SUSD4: variants seen among roughly 807,000 people sequenced by gnomAD.
SUSD4 encodes the protein sushi domain-containing protein 4.
A neutral mutation model predicts 50.5 loss-of-function variants in SUSD4; 41 were observed. That is an observed-to-expected ratio of 0.81 (90% CI 0.63 to 1.05). The LOEUF is 1.05. Ranked by LOEUF, SUSD4 falls within the 50% of genes least tolerant of loss-of-function variation. The probability of loss-of-function intolerance (pLI) is 0.00; values close to 1 mark genes in which losing one functional copy is unlikely to be tolerated. For missense variants in SUSD4, 580 were observed against 634.7 expected, an observed-to-expected ratio of 0.91 and a Z score of 0.93; for synonymous variants, 257 against 257.3, an observed-to-expected ratio of 1.00 and a Z score of 0.01.
intron 5 of SUSD4, among the ~76,000 whole-genome samples, chr1:223,243,821 G>A (rs758261699): frequency 7.9e-5 from 12 of 152,178 alleles, no homozygotes; most frequent in African/African-American, 2.7e-4. Flanking sequence ...CCTGCTTTGC[G>A]TTATCAGCAC....
intron 2 of SUSD4, among the ~76,000 whole-genome samples, chr1:223,314,276 T>C (rs1474821116): frequency 6.6e-6 from 1 of 152,126 alleles, no homozygotes; most frequent in Non-Finnish European, 1.5e-5. Context: ...CATGGAGTAA[T>C]GAGGACTGAA....
intron 2 of SUSD4, among the ~76,000 whole-genome samples, chr1:223,342,708 A>G (rs550047179): frequency 2.0e-5 from 3 of 152,366 alleles, no homozygotes; most frequent in Admixed American, 2.0e-4. Context: ...ATCTGGATAA[A>G]AATTAACAAT....
intron 2 of SUSD4, among the ~76,000 whole-genome samples, chr1:223,340,592 T>G (rs1241598676): frequency 6.6e-6 from 1 of 152,212 alleles, no homozygotes; most frequent in Non-Finnish European, 1.5e-5. Context: ...AAAAGCAGCT[T>G]CTGTCCGCAG....
chr1:223,249,879 G>C (rs746069171), intron 5 of SUSD4, among the ~76,000 whole-genome samples: 18 of 152,224 alleles, frequency 1.2e-4, no homozygotes, highest in Admixed American at 2.0e-4. Flanking sequence ...TGAAAAGAGA[G>C]GAAGAAAGGG....
chr1:223,258,613 T>G (rs1490515072), intron 5 of SUSD4, among the ~76,000 whole-genome samples: 2 of 152,116 alleles, frequency 1.3e-5, no homozygotes, highest in Non-Finnish European at 2.9e-5. Flanking sequence ...GGGGTCGGGT[T>G]TACTGGTTCC....
intron 5 of SUSD4, among the ~76,000 whole-genome samples, chr1:223,257,343 A>G (rs957908695): frequency 5.9e-5 from 9 of 152,180 alleles, no homozygotes; most frequent in African/African-American, 2.2e-4. Flanking sequence ...GTCTCTACAA[A>G]AACATTTTTA....
chr1:223,365,191 G>A (rs1237599981), upstream of SUSD4, among the ~76,000 whole-genome samples: 1 of 152,120 alleles, frequency 6.6e-6, no homozygotes, highest in Non-Finnish European at 1.5e-5. Context: ...GAGTTGGCCT[G>A]GTCGGTCCCC....
chr1:223,283,499 A>T (rs1230791709), intron 3 of SUSD4, among the ~76,000 whole-genome samples: 1 of 152,250 alleles, frequency 6.6e-6, no homozygotes, highest in Non-Finnish European at 1.5e-5. Flanking sequence ...ATCACTGGCC[A>T]TCAGAGAAAT....
chr1:223,295,574 G>A (rs952909428), intron 2 of SUSD4, among the ~76,000 whole-genome samples: 2 of 152,126 alleles, frequency 1.3e-5, no homozygotes, highest in Non-Finnish European at 1.5e-5. Flanking sequence ...GGGTGCTGTG[G>A]GTGCAGGTCG....
chr1:223,318,324 G>T (rs554191968), intron 2 of SUSD4, among the ~76,000 whole-genome samples: 21 of 14,266 alleles, frequency 1.5e-3, no homozygotes, highest in African/African-American at 6.5e-3. Flanking sequence ...ACATACGTGT[G>T]CATGTGTCTT....
chr1:223,284,595 T>C (rs1413604641), intron 3 of SUSD4, among the ~76,000 whole-genome samples: 2 of 152,168 alleles, frequency 1.3e-5, no homozygotes, highest in African/African-American at 4.8e-5. Context: ...AGCCAAGATA[T>C]GGAATCAACC....
At position 223,257,031 on chromosome 1, in the gene SUSD4, G is replaced by C. The variant is rs1190789904; in HGVS notation, c.724+7599C>G. On this transcript the variant is annotated intron_variant, in intron 5 of 8. Coordinates refer to ENST00000366878, the MANE Select transcript of SUSD4 (RefSeq NM_017982.4). ...CTACCTGCACGGTGCTTGGCATAGA[G>C]TAGGCATCCAAAAATGTCAAATGAA... is the stretch of plus-strand genomic sequence containing the variant. 3.9e-5 allele frequency among the ~76,000 whole-genome samples: 6 copies of C among 152,296 alleles called. No homozygotes were observed. In the East Asian group the frequency reaches 1.2e-3, roughly 29 times the overall value.
chr1:223,268,040 TATACAC>T (rs1200416185), intron 4 of SUSD4, among the ~76,000 whole-genome samples: 19 of 81,274 alleles, frequency 2.3e-4, no homozygotes, highest in Middle Eastern at 6.4e-3. Context: ...TATATATATA[TATACAC>T]ACACACTGTT....
chr1:223,280,679 G>A (rs867918198), intron 3 of SUSD4, among the ~76,000 whole-genome samples: 8 of 151,814 alleles, frequency 5.3e-5, no homozygotes, highest in African/African-American at 1.5e-4. Flanking sequence ...ACAGACCAAC[G>A]AGACAGAAAG....
At chr1:223,239,460 GT>G (rs1412152922) in intron 5 of SUSD4, among the ~76,000 whole-genome samples, 1 of 151,796 alleles carries the variant, frequency 6.6e-6, no homozygotes, top group Non-Finnish European at 1.5e-5. Context: ...TTTCTTTTTG[GT>G]TTTAATTGAG....
chr1:223,266,457 T>C (rs1052649633), intron 4 of SUSD4, among the ~76,000 whole-genome samples: 1 of 152,152 alleles, frequency 6.6e-6, no homozygotes, highest in African/African-American at 2.4e-5. Context: ...GCACAAATGA[T>C]TGTGCTCGCT....
chr1:223,260,212 T>C (rs1310667377), intron 5 of SUSD4, among the ~76,000 whole-genome samples: 4 of 152,196 alleles, frequency 2.6e-5, no homozygotes, highest in Non-Finnish European at 4.4e-5. Context: ...CTCTAGGAAA[T>C]GGACTTTGCC....
At chr1:223,352,836 T>C (rs1558276752) in intron 2 of SUSD4, among the ~76,000 whole-genome samples, 1 of 152,002 alleles carries the variant, frequency 6.6e-6, no homozygotes, top group Non-Finnish European at 1.5e-5. Flanking sequence ...CCTGAGCCCA[T>C]GGGGGCGAAC....
intron 5 of SUSD4, among the ~76,000 whole-genome samples, chr1:223,246,342 T>C (rs1291923756): frequency 6.6e-6 from 1 of 151,992 alleles, no homozygotes; most frequent in Non-Finnish European, 1.5e-5. Context: ...TTTGATACAG[T>C]GGCAGAGGGG....
Sources: gnomAD v4.1 joint callset for allele counts (sites outside exome capture counted in the v4.1 genomes callset) on GRCh38, gnomAD v4.1.1 for gene constraint, MANE v1.5 for transcripts, NCBI Gene and HGNC (gene_info 2026-07-23, HGNC 2026-07-21) for gene names.